Variants in AQR observed in about 807,000 individuals in gnomAD.
AQR encodes RNA helicase aquarius.
Under a neutral mutation model 180.5 loss-of-function variants are expected in AQR, and 61 were observed. The observed-to-expected ratio is 0.34, with a 90% CI of 0.28 to 0.42. AQR has a LOEUF of 0.42. AQR is among the 10% of genes least tolerant of loss of function. The probability of loss-of-function intolerance (pLI) is 1.00; values close to 1 mark genes in which losing one functional copy is unlikely to be tolerated. For missense variants in AQR, 1,281 were observed against 1,798.3 expected (o/e 0.71, Z 5.20); for synonymous variants, 551 against 588.8 (o/e 0.94, Z 0.93).
intron 16 of AQR, 32 bp from the exon 17 acceptor site, chr15:34,910,345 C>A (rs1464717675): frequency 6.3e-7 from 1 of 1,598,524 alleles, no homozygotes; most frequent in Non-Finnish European, 8.5e-7. Flanking sequence ...ATTACTCAAA[C>A]AAAAAATAAT....
intron 33 of AQR, 92 bp from the exon 34 acceptor site, chr15:34,860,247 A>C (rs980847079): frequency 5.6e-6 from 3 of 535,126 alleles, no homozygotes; most frequent in Non-Finnish European, 9.1e-6. Flanking sequence ...TCTTATGAAT[A>C]AGCACAATTA....
intron 16 of AQR, among the ~76,000 whole-genome samples, chr15:34,912,140 T>C (rs1893510158): frequency 6.6e-6 from 1 of 152,168 alleles, no homozygotes; most frequent in Non-Finnish European, 1.5e-5. Context: ...TCTATGTGTT[T>C]TTATGCCAGT....
At chr15:34,868,873 A>G (rs1892776059) in intron 31 of AQR, 1 of 152,210 alleles carries the variant, frequency 6.6e-6, no homozygotes, top group South Asian at 2.1e-4. Flanking sequence ...GAACAAATAT[A>G]CCACAGTTTT....
At chr15:34,923,524 C>T (rs946244402) in intron 13 of AQR, among the ~76,000 whole-genome samples, 6 of 152,182 alleles carry the variant, frequency 3.9e-5, no homozygotes, top group African/African-American at 9.6e-5. Context: ...CACAAACCCA[C>T]GATCACAAAA....
chr15:34,930,174 T>G lies in AQR; in HGVS notation c.1014+84A>C, dbSNP rs1595800877. The G allele has an allele frequency of 8.7e-6, 6 of 686,250 alleles. No homozygotes were observed. In the East Asian group the frequency reaches 1.6e-4, roughly 18 times the overall value. The allele number at this position is 686,250 out of a possible 1,614,324, so 42.5% of individuals were successfully genotyped here. A position where few individuals can be genotyped will look rare whatever the true frequency, so the allele number is the denominator to read the frequency against. ...AAAACACTATTAAATTAACATGGTT[T>G]TCAATCTGTACCTATACAAAACCTA... is the stretch of plus-strand genomic sequence containing the variant. On this transcript the variant is annotated intron_variant, in intron 12 of 34. Coordinates refer to ENST00000156471, the MANE Select transcript of AQR (RefSeq NM_014691.3).
chr15:34,907,287 C>G (rs1214439247), intron 17 of AQR, among the ~76,000 whole-genome samples: 1 of 152,158 alleles, frequency 6.6e-6, no homozygotes, highest in Admixed American at 6.5e-5. Flanking sequence ...AAGTGAATGT[C>G]AAGAAAAAGG....
chr15:34,909,400 A>T (rs1374898258), intron 17 of AQR, among the ~76,000 whole-genome samples: 2 of 152,228 alleles, frequency 1.3e-5, no homozygotes, highest in Non-Finnish European at 2.9e-5. Context: ...TTTTGAACAT[A>T]TCTGCCTCCA....
intron 24 of AQR, among the ~76,000 whole-genome samples, chr15:34,887,025 C>T (rs1475867968): frequency 2.0e-5 from 3 of 150,700 alleles, no homozygotes; most frequent in Non-Finnish European, 4.4e-5. Flanking sequence ...CTTGGGAGGC[C>T]GAGGCAAGAG....
chr15:34,954,635 T>C (rs1024523286), intron 3 of AQR, among the ~76,000 whole-genome samples: 6 of 152,070 alleles, frequency 3.9e-5, no homozygotes, highest in Non-Finnish European at 7.4e-5. Flanking sequence ...TAAGTCAAAA[T>C]AAAGCAAAAG....
Position 34,938,420 on chromosome 15 carries a change from C to T in AQR, c.718+317G>A, listed in dbSNP as rs1893975230. Among the ~76,000 whole-genome samples the T allele has an allele frequency of 1.3e-5, 2 of 152,084 alleles. 1 individual carries two copies. The highest frequency in any genetic ancestry group is 4.8e-5 in the African/African-American group (2 of 41,394). Reference sequence around the variant, plus strand: ...TGGTGGTGCATCCCTGTAATCCCAGCTACTCGGGAGGCTGAGGCAGGAGAA... The same window carrying T: ...TGGTGGTGCATCCCTGTAATCCCAGTTACTCGGGAGGCTGAGGCAGGAGAA... On this transcript the variant is annotated intron_variant, in intron 9 of 34. Transcript: ENST00000156471.
chr15:34,892,291 C>A (rs1595788300), intron 23 of AQR, among the ~76,000 whole-genome samples: 1 of 152,160 alleles, frequency 6.6e-6, no homozygotes, highest in African/African-American at 2.4e-5. Flanking sequence ...GTGTACATTT[C>A]ACATGGATTT....
At chr15:34,900,943 GCACTAATC>G in intron 19 of AQR, 80 bp from the exon 20 acceptor site, 1 of 1,484,400 alleles carries the variant, frequency 6.7e-7, no homozygotes, top group Non-Finnish European at 9.0e-7. Context: ...AGAGCTGGCT[GCACTAATC>G]CAGAATTCCC....
Position 34,948,402 on chromosome 15 carries a change from C to G in AQR, c.210-18G>C. On this transcript the variant is annotated intron_variant, in intron 4 of 34. Transcript: ENST00000156471. ...GATACTGGCTGTAAAGAGTAAAAAG[C>G]ATAGAATACTTCATTAGTTACCACC... 6.2e-7 allele frequency: 1 copy of G among 1,608,742 alleles called. No individual in the cohort carries two copies.
Position 34,918,279 on chromosome 15 carries a change from T to A in AQR, c.1321A>T (p.Thr441Ser), listed in dbSNP as rs376025287. The A allele has an allele frequency of 1.2e-6, 2 of 1,613,576 alleles. No individual in the cohort carries two copies. The highest frequency in any genetic ancestry group is 1.1e-5 in the South Asian group (1 of 91,050). The change falls in exon 15 of 35, where the codon ACT becomes TCT. Residue 441 changes from threonine (T) to serine (S), a missense_variant. Physicochemically the swap from Thr to Ser is moderately conservative, Grantham distance 58. Around this residue, in one of 9 missense-constraint regions of AQR, gnomAD observed 200 missense variants for 293.4 expected, o/e 0.68. Coordinates refer to ENST00000156471, the MANE Select transcript of AQR (RefSeq NM_014691.3). ...KIIWDENIVP[T>S]EYYSGEGCLA... The stretch of plus-strand genomic sequence containing the variant: ...ATACCTTCTCCAGAATAGTACTCAG[T>A]TGGGACAATATTTTCATCCCATATA...
intron 32 of AQR, among the ~76,000 whole-genome samples, chr15:34,866,324 G>A (rs1297481507): frequency 2.0e-5 from 3 of 152,036 alleles, no homozygotes; most frequent in Admixed American, 6.6e-5. Context: ...GAAGAAGTTG[G>A]AGTTTCAAAG....
chr15:34,896,627 C>A (rs1290075913), intron 22 of AQR, among the ~76,000 whole-genome samples: 3 of 151,614 alleles, frequency 2.0e-5, no homozygotes, highest in African/African-American at 7.3e-5. Context: ...GCAGGTGGAT[C>A]ACCTGAGGTC....
chr15:34,880,387 T>C (rs1423214363), intron 27 of AQR, among the ~76,000 whole-genome samples: 1 of 152,166 alleles, frequency 6.6e-6, no homozygotes, highest in Non-Finnish European at 1.5e-5. Context: ...TTACAATGGA[T>C]GCAATGTGAA....
intron 14 of AQR, among the ~76,000 whole-genome samples, chr15:34,918,960 C>G (rs1049811952): frequency 6.6e-6 from 1 of 152,044 alleles, no homozygotes; most frequent in Non-Finnish European, 1.5e-5. Flanking sequence ...AGTGTTACAC[C>G]GGGTGCAGTG....
At chr15:34,938,846 T>C (rs1427378438) in intron 8 of AQR, 33 bp from the exon 9 acceptor site, 2 of 1,454,282 alleles carry the variant, frequency 1.4e-6, no homozygotes, top group Admixed American at 1.8e-5. Context: ...CCAATTATTT[T>C]TGAAGAATAG....
Sources: allele counts gnomAD v4.1 joint callset (sites outside exome capture counted in the v4.1 genomes callset), GRCh38; gene constraint gnomAD v4.1.1; regional missense constraint gnomAD v4.1.1; transcripts MANE v1.5; gene names NCBI Gene and HGNC (gene_info 2026-07-23, HGNC 2026-07-21).